SLC28A3: variants seen among roughly 807,000 people sequenced by gnomAD.
SLC28A3 encodes the protein solute carrier family 28 member 3.
Under a neutral mutation model 84.2 loss-of-function variants are expected in SLC28A3, and 68 were observed. That is an observed-to-expected ratio of 0.81 (90% confidence interval 0.66 to 0.99). The LOEUF (loss-of-function observed/expected upper bound fraction) is 0.99, where lower values mean the gene tolerates loss of function less well. SLC28A3 is among the 50% of genes least tolerant of loss of function. The probability of loss-of-function intolerance (pLI) is 0.00; values close to 1 mark genes in which losing one functional copy is unlikely to be tolerated. For synonymous variants in SLC28A3, 267 were observed against 303.6 expected (o/e 0.88, Z 1.25); for missense variants, 712 against 841.5 (o/e 0.85, Z 1.90).
intron 14 of SLC28A3, among the ~76,000 whole-genome samples, chr9:84,282,325 T>A (rs1325146757): frequency 1.3e-5 from 2 of 152,142 alleles, no homozygotes; most frequent in African/African-American, 4.8e-5. Context: ...ATAGTCTATA[T>A]GTCGATTATA....
rs886560109 is a variant in SLC28A3 at position 84,338,798 on chromosome 9, TAGAGA to T, written c.60+1771_60+1775del. On this transcript the variant is annotated intron_variant, in intron 1 of 17. Coordinates refer to ENST00000376238, the MANE Select transcript of SLC28A3 (RefSeq NM_001199633.2). ...ATGCTTTTCCCCCTCACTTAGCCCT[TAGAGA>T]AGAGATCAGGATGTGCCACCCTCCA... 1.4e-4 allele frequency among the ~76,000 whole-genome samples: 21 copies of T among 152,268 alleles called. 1 individual carries two copies. Among genetic ancestry groups the T allele is most frequent in the African/African-American group, 4.3e-4 (18 of 41,552 alleles).
At chr9:84,326,633 AAACAACAACAACAACAACAAC>A (rs34082643) in intron 1 of SLC28A3, among the ~76,000 whole-genome samples, 32 of 148,292 alleles carry the variant, frequency 2.2e-4, no homozygotes, top group East Asian at 1.8e-3. Flanking sequence ...GATGGATTAA[AAACAACAACAACAACAACAAC>A]AACAACAACA....
chr9:84,363,566 T>A, the SLC28A3 span, among the ~76,000 whole-genome samples: 1 of 152,168 alleles, frequency 6.6e-6, no homozygotes, highest in South Asian at 2.1e-4. Flanking sequence ...TTGAATCCTG[T>A]CACATCCATA....
the SLC28A3 span, among the ~76,000 whole-genome samples, chr9:84,354,462 A>G: frequency 6.6e-6 from 1 of 152,280 alleles, no homozygotes; most frequent in African/African-American, 2.4e-5. Context: ...TAGCCAAAGG[A>G]TATAGGAGTG....
intron 1 of SLC28A3, among the ~76,000 whole-genome samples, chr9:84,320,045 T>TTGTTTG (rs1269923838): frequency 8.7e-6 from 1 of 114,876 alleles, no homozygotes; most frequent in African/African-American, 4.8e-5. Flanking sequence ...GCACTGTTTT[T>TTGTTTG]TTTTTTTTTT....
chr9:84,307,386 G>A (rs1419429645), intron 3 of SLC28A3, among the ~76,000 whole-genome samples: 4 of 147,246 alleles, frequency 2.7e-5, no homozygotes, highest in Non-Finnish European at 5.9e-5. Context: ...AGCCAAAATT[G>A]CGCCATTGGA....
chr9:84,358,552 C>T, the SLC28A3 span, among the ~76,000 whole-genome samples: 1 of 152,102 alleles, frequency 6.6e-6, no homozygotes, highest in African/African-American at 2.4e-5. Flanking sequence ...CATACAGGGT[C>T]CTTCTAAGGG....
chr9:84,309,648 C>G lies in SLC28A3; in HGVS notation c.223G>C (p.Glu75Gln). 1 of 1,611,138 alleles carries G rather than the reference C, an allele frequency of 6.2e-7. No homozygotes were observed. Among genetic ancestry groups the G allele is most frequent in the African/African-American group, 1.3e-5 (1 of 74,756 alleles). ...RNREHMEDDD[E>Q]EMQQKGCLER... Reference sequence around the variant, plus strand: ...CTGTACCCTTTTTGTTGCATCTCCTCATCATCATCCTCCATGTGTTCTCTG... The same window carrying G: ...CTGTACCCTTTTTGTTGCATCTCCTGATCATCATCCTCCATGTGTTCTCTG... Residue 75 changes from glutamate to glutamine, a missense_variant, in exon 3 of 18, where the codon GAG (glutamate) becomes CAG (glutamine). Coordinates refer to ENST00000376238, the MANE Select transcript of SLC28A3 (RefSeq NM_001199633.2).
chr9:84,325,083 C>T lies in SLC28A3; in HGVS notation c.61-11629G>A, dbSNP rs193193094. Among the ~76,000 whole-genome samples the T allele has an allele frequency of 2.4e-3, 361 of 152,258 alleles. 1 individual carries two copies. The highest frequency in any genetic ancestry group is 8.3e-3 in the African/African-American group (347 of 41,558). On this transcript the variant is annotated intron_variant, in intron 1 of 17. Transcript: ENST00000376238. ...ATCATTGGTTTTGGATTTGAGAAACCAAGATTTTGCAATCAATGAGGATCC... is the reference window on the plus strand; with the variant it reads ...ATCATTGGTTTTGGATTTGAGAAACTAAGATTTTGCAATCAATGAGGATCC...
At chr9:84,329,792 G>A (rs1826705839) in intron 1 of SLC28A3, among the ~76,000 whole-genome samples, 1 of 152,104 alleles carries the variant, frequency 6.6e-6, no homozygotes, top group South Asian at 2.1e-4. Flanking sequence ...CCAGCTACTT[G>A]GAAGGCTGGG....
chr9:84,344,389 A>G (rs1483933652), upstream of SLC28A3, among the ~76,000 whole-genome samples: 1 of 151,834 alleles, frequency 6.6e-6, no homozygotes, highest in African/African-American at 2.4e-5. Context: ...GAATTTCACC[A>G]TGTTGGCCAG....
In SLC28A3 at chr9:84,311,180, G is replaced by T. The variant is rs1030492409; in HGVS notation, c.157-1466C>A. On this transcript the variant is annotated intron_variant, in intron 2 of 17. Transcript: ENST00000376238. ...ATGCATCCTGCCAATGTCACCCAAG[G>T]CCCATTGCTATCAAATCCAGTAGCT... Among the ~76,000 whole-genome samples the T allele has an allele frequency of 5.3e-5, 8 of 152,050 alleles. No homozygotes were observed. In the South Asian group the frequency reaches 1.7e-3, roughly 32 times the overall value.
At chr9:84,343,522 TA>T (rs145212158), upstream of SLC28A3, among the ~76,000 whole-genome samples, 7,559 of 152,252 alleles carry the variant, frequency 0.05, 567 homozygotes, top group African/African-American at 0.16. Flanking sequence ...CTCTACCTCA[TA>T]ACTACAGCCA....
chr9:84,306,588 A>G (rs1825798679), intron 3 of SLC28A3, among the ~76,000 whole-genome samples: 1 of 152,156 alleles, frequency 6.6e-6, no homozygotes, highest in African/African-American at 2.4e-5. Flanking sequence ...TCTAGGCTGA[A>G]TAATTCCCAA....
At position 84,323,730 on chromosome 9, in the gene SLC28A3, G is replaced by A. The variant is rs186864657; in HGVS notation, c.61-10276C>T. 1.2e-4 allele frequency among the ~76,000 whole-genome samples: 18 copies of A among 151,964 alleles called. No individual in the cohort carries two copies. In the East Asian group the frequency reaches 3.3e-3, roughly 28 times the overall value. On this transcript the variant is annotated intron_variant, in intron 1 of 17. Coordinates refer to ENST00000376238, the MANE Select transcript of SLC28A3 (RefSeq NM_001199633.2). ...GAGAAAGAAAAACAAGGATATAATC[G>A]GGCCACTGTGCCCCACCCCAGTACT... is the stretch of plus-strand genomic sequence containing the variant.
At chr9:84,325,396 T>A (rs529940738) in intron 1 of SLC28A3, among the ~76,000 whole-genome samples, 2 of 152,342 alleles carry the variant, frequency 1.3e-5, no homozygotes, top group Admixed American at 6.5e-5. Flanking sequence ...AATAAATGAA[T>A]GAAATCATAA....
intron 3 of SLC28A3, among the ~76,000 whole-genome samples, chr9:84,307,430 C>CAAAAAAAAA (rs773007559): frequency 4.9e-5 from 2 of 40,748 alleles, no homozygotes; most frequent in African/African-American, 2.6e-4. Flanking sequence ...GACTCCATCT[C>CAAAAAAAAA]AAAAAAAAAA....
At chr9:84,340,465 C>T (rs1005792697) in intron 1 of SLC28A3, 109 bp downstream of exon 1, 61 of 1,172,508 alleles carry the variant, frequency 5.2e-5, no homozygotes, top group Non-Finnish European at 7.7e-5. Flanking sequence ...CGTTAAAAAT[C>T]GTATTGTCCT....
chr9:84,363,950 T>A, the SLC28A3 span, among the ~76,000 whole-genome samples: 2 of 152,044 alleles, frequency 1.3e-5, no homozygotes, highest in African/African-American at 4.8e-5. Context: ...TTCATAGATT[T>A]AAAAAAATTT....
Sources: allele counts gnomAD v4.1 joint callset (sites outside exome capture counted in the v4.1 genomes callset), GRCh38; gene constraint gnomAD v4.1.1; transcripts MANE v1.5; gene names NCBI Gene and HGNC (gene_info 2026-07-23, HGNC 2026-07-21).